The following PEAK1 variants were observed in gnomAD, a reference collection of about 807,000 sequenced individuals.
PEAK1 encodes inactive tyrosine-protein kinase PEAK1.
PEAK1 carries 54 observed loss-of-function variants against 124.7 expected under a neutral mutation model. That is an observed-to-expected ratio of 0.43 (90% CI 0.35 to 0.54). The LOEUF (loss-of-function observed/expected upper bound fraction) is 0.54. Among genes scored for constraint, PEAK1 ranks in the 20% least tolerant of loss-of-function variants. The pLI is 0.01. For missense variants in PEAK1, 2,046 were observed against 2,134.5 expected, an observed-to-expected ratio of 0.96 and a Z score of 0.82; for synonymous variants, 719 against 760.0, an observed-to-expected ratio of 0.95 and a Z score of 0.89.
At chr15:77,185,261 T>C (rs561737753) in intron 6 of PEAK1, among the ~76,000 whole-genome samples, 6 of 152,286 alleles carry the variant, frequency 3.9e-5, no homozygotes, top group Admixed American at 3.9e-4. Context: ...TACAAGACAG[T>C]ATATGAATTT....
intron 1 of PEAK1, among the ~76,000 whole-genome samples, chr15:77,409,613 C>T (rs2072231197): frequency 6.6e-6 from 1 of 152,166 alleles, no homozygotes; most frequent in Admixed American, 6.5e-5. Context: ...AAGCAGAAAA[C>T]CCATTACTCA....
intron 6 of PEAK1, among the ~76,000 whole-genome samples, chr15:77,249,279 T>A (rs531935606): frequency 6.6e-6 from 1 of 152,310 alleles, no homozygotes; most frequent in East Asian, 1.9e-4. Context: ...GATATCAAAT[T>A]ATTCTTTGTC....
intron 1 of PEAK1, among the ~76,000 whole-genome samples, chr15:77,409,092 TATTTAA>T (rs1196567200): frequency 6.6e-6 from 1 of 151,826 alleles, no homozygotes; most frequent in Non-Finnish European, 1.5e-5. Flanking sequence ...AACACAAAAA[TATTTAA>T]GAGTGGTACC....
chr15:77,370,766 T>G, intron 1 of PEAK1: 1 of 981,640 alleles, frequency 1.0e-6, no homozygotes, highest in Non-Finnish European at 1.2e-6. Flanking sequence ...GCACGGTGAC[T>G]CATGCCTGTA....
intron 2 of PEAK1, among the ~76,000 whole-genome samples, chr15:77,314,434 T>C (rs150879576): frequency 1.3e-5 from 2 of 152,214 alleles, no homozygotes; most frequent in East Asian, 3.9e-4. Context: ...AATGGTGCGA[T>C]TTCAGCTCAC....
intron 6 of PEAK1, among the ~76,000 whole-genome samples, chr15:77,227,322 G>A (rs1360937278): frequency 6.6e-6 from 1 of 152,076 alleles, no homozygotes; most frequent in African/African-American, 2.4e-5. Context: ...ACAAATAAGG[G>A]GGGTGGAGTA....
intron 2 of PEAK1, chr15:77,356,013 T>C (rs1230729887): frequency 1.1e-6 from 1 of 910,684 alleles, no homozygotes; most frequent in African/African-American, 1.8e-5. Context: ...TAAAGTTCTA[T>C]TTTGCTTCTC....
chr15:77,211,479 C>G (rs2058901251), intron 6 of PEAK1, among the ~76,000 whole-genome samples: 1 of 152,006 alleles, frequency 6.6e-6, no homozygotes, highest in African/African-American at 2.4e-5. Flanking sequence ...GATTTATTAA[C>G]AGCAAAATCA....
intron 2 of PEAK1, chr15:77,352,350 T>C: frequency 1.0e-6 from 1 of 985,266 alleles, no homozygotes. Flanking sequence ...GAAATCACTT[T>C]CTATCTACCT....
At chr15:77,351,122 T>C (rs944391936) in intron 2 of PEAK1, 1 of 176,082 alleles carries the variant, frequency 5.7e-6, no homozygotes. Flanking sequence ...ACAACATGTA[T>C]ACAAACCACT....
Position 77,336,893 on chromosome 15 carries a change from GA to G in PEAK1, c.-603+28269del, listed in dbSNP as rs1156406027. On this transcript the variant is annotated intron_variant, in intron 2 of 9. Transcript: ENST00000682557. ...AGATTGTTTAAATATAGGGCTAAAT[GA>G]AAAAAAAAAAGAATAAAATGGGATG... Among the ~76,000 whole-genome samples the G allele has an allele frequency of 5.7e-3, 777 of 135,992 alleles. 2 individuals carry two copies. The highest frequency in any genetic ancestry group is 0.016 in the African/African-American group (584 of 37,340). The allele number at this position is 135,992 out of a possible 152,430, so 89.2% of individuals were successfully genotyped here.
intron 5 of PEAK1, among the ~76,000 whole-genome samples, chr15:77,274,503 G>C (rs2062206701): frequency 6.6e-6 from 1 of 151,862 alleles, no homozygotes; most frequent in Admixed American, 6.6e-5. Flanking sequence ...AAAAACATAT[G>C]AAACAGTGCT....
At chr15:77,280,359 T>C (rs1450122017) in intron 5 of PEAK1, among the ~76,000 whole-genome samples, 1 of 152,016 alleles carries the variant, frequency 6.6e-6, no homozygotes, top group African/African-American at 2.4e-5. Context: ...AAAAGGTCAG[T>C]TTTACTGTAT....
At chr15:77,400,558 GAGA>G (rs2071285807) in intron 1 of PEAK1, among the ~76,000 whole-genome samples, 1 of 152,052 alleles carries the variant, frequency 6.6e-6, no homozygotes, top group Non-Finnish European at 1.5e-5. Context: ...AAGCCAAGCA[GAGA>G]AGGACAAACT....
intron 2 of PEAK1, among the ~76,000 whole-genome samples, chr15:77,363,275 G>A (rs2068017094): frequency 6.6e-6 from 1 of 152,118 alleles, no homozygotes; most frequent in Non-Finnish European, 1.5e-5. Context: ...TCTAAAGCAA[G>A]CTGCAGTCAA....
chr15:77,169,316 A>G (rs958830911), intron 7 of PEAK1, among the ~76,000 whole-genome samples: 1 of 152,252 alleles, frequency 6.6e-6, no homozygotes, highest in Non-Finnish European at 1.5e-5. Context: ...CTGAGTGTCT[A>G]AACTGGGCAA....
chr15:77,382,629 A>C (rs1229314423), intron 1 of PEAK1, among the ~76,000 whole-genome samples: 23 of 152,162 alleles, frequency 1.5e-4, no homozygotes, highest in Admixed American at 1.5e-3. Context: ...TGCTTGCCAC[A>C]TTATAGGTAC....
chr15:77,165,966 C>T (rs554510193), intron 7 of PEAK1, among the ~76,000 whole-genome samples: 42 of 152,206 alleles, frequency 2.8e-4, no homozygotes, highest in African/African-American at 9.9e-4. Flanking sequence ...GCAAGCTTGG[C>T]ATACTGCAGA....
At chr15:77,150,818 C>T (rs1345672381) in intron 8 of PEAK1, among the ~76,000 whole-genome samples, 2 of 151,988 alleles carry the variant, frequency 1.3e-5, no homozygotes, top group South Asian at 2.1e-4. Flanking sequence ...CAATTTCATC[C>T]GTGTCCCTAC....
Sources: gnomAD v4.1 joint callset for allele counts (sites outside exome capture counted in the v4.1 genomes callset) on GRCh38, gnomAD v4.1.1 for gene constraint, MANE v1.5 for transcripts, NCBI Gene and HGNC (gene_info 2026-07-23, HGNC 2026-07-21) for gene names.